SEMA3E: variants seen among roughly 807,000 people sequenced by gnomAD.
SEMA3E encodes semaphorin-3E.
SEMA3E carries 49 observed loss-of-function variants against 93.6 expected under a neutral mutation model. The ratio of observed to expected loss-of-function variants is 0.52; its 90% CI spans 0.42 to 0.66. The LOEUF is 0.66. SEMA3E is among the 30% of genes least tolerant of loss of function. SEMA3E has a pLI of 0.00. For synonymous variants in SEMA3E, 363 were observed against 330.7 expected (o/e 1.10, Z -1.06); for missense variants, 906 against 964.8 (o/e 0.94, Z 0.81).
chr7:83,645,803 G>T (rs1043659851), intron 1 of SEMA3E, among the ~76,000 whole-genome samples: 3 of 151,278 alleles, frequency 2.0e-5, no homozygotes, highest in African/African-American at 7.3e-5. Flanking sequence ...CTCTAGTTAA[G>T]AACATGTCAT....
intron 1 of SEMA3E, among the ~76,000 whole-genome samples, chr7:83,638,064 A>G (rs563495611): frequency 6.6e-6 from 1 of 152,314 alleles, no homozygotes; most frequent in African/African-American, 2.4e-5. Flanking sequence ...TCCCAAAGCT[A>G]TATCCATTGA....
intron 1 of SEMA3E, among the ~76,000 whole-genome samples, chr7:83,493,001 C>T (rs765453284): frequency 3.3e-5 from 5 of 151,888 alleles, no homozygotes; most frequent in Non-Finnish European, 5.9e-5. Flanking sequence ...ACAATAATTG[C>T]GTAGGTAAAC....
chr7:83,584,601 A>G (rs1792582647), intron 1 of SEMA3E, among the ~76,000 whole-genome samples: 1 of 152,176 alleles, frequency 6.6e-6, no homozygotes, highest in Non-Finnish European at 1.5e-5. Context: ...CAAACAGTTC[A>G]GGCATATAAC....
intron 1 of SEMA3E, among the ~76,000 whole-genome samples, chr7:83,576,179 A>G (rs1250247672): frequency 6.6e-6 from 1 of 152,232 alleles, no homozygotes; most frequent in Non-Finnish European, 1.5e-5. Flanking sequence ...TCTTGTTAAA[A>G]TAATTTGAAA....
chr7:83,399,839 A>C (rs1788202556), intron 11 of SEMA3E, among the ~76,000 whole-genome samples, 189 bp downstream of exon 11: 1 of 152,166 alleles, frequency 6.6e-6, no homozygotes, highest in African/African-American at 2.4e-5. Flanking sequence ...ATTCCCAGAC[A>C]ACTGGCCTAA....
chr7:83,431,158 TTTTC>T (rs1300768109), intron 4 of SEMA3E, among the ~76,000 whole-genome samples: 2 of 151,308 alleles, frequency 1.3e-5, no homozygotes, highest in Admixed American at 6.6e-5. Flanking sequence ...TAGGATATTT[TTTTC>T]TTCAATATAT....
chr7:83,495,328 A>T (rs1171044356), intron 1 of SEMA3E, among the ~76,000 whole-genome samples: 2 of 151,920 alleles, frequency 1.3e-5, no homozygotes, highest in Non-Finnish European at 2.9e-5. Flanking sequence ...GACTCACATG[A>T]CTGGATAATA....
intron 1 of SEMA3E, among the ~76,000 whole-genome samples, chr7:83,552,307 T>C (rs1791782741): frequency 6.6e-6 from 1 of 152,190 alleles, no homozygotes; most frequent in South Asian, 2.1e-4. Context: ...CTGTCTTTAC[T>C]TTTATCTCTT....
intron 1 of SEMA3E, among the ~76,000 whole-genome samples, chr7:83,636,612 A>G (rs1793887414): frequency 6.6e-6 from 1 of 152,152 alleles, no homozygotes; most frequent in East Asian, 1.9e-4. Context: ...CATATTTCTC[A>G]TACAAAAAAT....
chr7:83,460,014 G>A (rs963590133), intron 4 of SEMA3E, among the ~76,000 whole-genome samples: 7 of 151,922 alleles, frequency 4.6e-5, no homozygotes, highest in Admixed American at 1.3e-4. Flanking sequence ...ATCTCCCTTC[G>A]CTGACTCTCT....
Position 83,639,129 on chromosome 7 carries a change from A to C in SEMA3E, c.115+9299T>G, listed in dbSNP as rs1236842732. On this transcript the variant is annotated intron_variant, in intron 1 of 16. Coordinates refer to ENST00000643230, the MANE Select transcript of SEMA3E (RefSeq NM_012431.3). ...CCGTCTCAAAAAAAAAAAAAAAAAA[A>C]AAAAAAAAAAACAGAGATTCCTGAG... is the stretch of plus-strand genomic sequence containing the variant. Among the ~76,000 whole-genome samples the C allele has an allele frequency of 2.1e-3, 293 of 139,504 alleles. 10 individuals carry two copies. The highest frequency in any genetic ancestry group is 7.6e-3 in the African/African-American group (275 of 36,322). The allele number at this position is 139,504 out of a possible 152,430, so 91.5% of individuals were successfully genotyped here. A position where few individuals can be genotyped will look rare whatever the true frequency, so the allele number is the denominator to read the frequency against.
At chr7:83,458,038 CAT>C (rs562858423) in intron 4 of SEMA3E, among the ~76,000 whole-genome samples, 1 of 150,674 alleles carries the variant, frequency 6.6e-6, no homozygotes, top group Non-Finnish European at 1.5e-5. Context: ...TCTCTTGTGA[CAT>C]ATATATATAT....
intron 4 of SEMA3E, among the ~76,000 whole-genome samples, chr7:83,437,967 G>T (rs1196265368): frequency 6.6e-6 from 1 of 152,018 alleles, no homozygotes; most frequent in Admixed American, 6.5e-5. Context: ...ACAAGCATAA[G>T]AATATAAAAA....
chr7:83,409,325 C>T (rs1788391342), intron 5 of SEMA3E, among the ~76,000 whole-genome samples: 1 of 152,100 alleles, frequency 6.6e-6, no homozygotes, highest in African/African-American at 2.4e-5. Flanking sequence ...CCAAAACTCA[C>T]AAGAGGTAAT....
chr7:83,565,008 G>A (rs1792113033), intron 1 of SEMA3E, among the ~76,000 whole-genome samples: 2 of 152,064 alleles, frequency 1.3e-5, no homozygotes, highest in African/African-American at 2.4e-5. Flanking sequence ...AAATGATAAA[G>A]GGGATATCAC....
chr7:83,648,452 G>A lies in SEMA3E; in HGVS notation c.91C>T (p.Pro31Ser), dbSNP rs759525060. ...CCTTTATGTGACAGGCGTAACCGGG[G>A]GTGGGTAGTATCAGCTGTATGACCT... ...TGGHTADTTH[P>S]RLRLSHKELL... The change falls in exon 1 of 17, where the codon CCC (proline) becomes TCC (serine). Residue 31 changes from proline (P) to serine (S), a missense_variant. Physicochemically the swap from Pro to Ser is moderately conservative, Grantham distance 74. Coordinates refer to ENST00000643230, the MANE Select transcript of SEMA3E (RefSeq NM_012431.3). 1.2e-6 allele frequency: 2 copies of A among 1,611,966 alleles called. No individual in the cohort carries two copies. Among genetic ancestry groups the A allele is most frequent in the East Asian group, 2.2e-5 (1 of 44,798 alleles).
chr7:83,377,300 T>C (rs764545760), intron 16 of SEMA3E, among the ~76,000 whole-genome samples: 3 of 152,024 alleles, frequency 2.0e-5, no homozygotes, highest in Non-Finnish European at 4.4e-5. Context: ...TTCACAATAA[T>C]ATTCATTTTA....
At position 83,396,725 on chromosome 7, in the gene SEMA3E, A is replaced by G. The variant is rs1788130634; in HGVS notation, c.1371T>C (p.Asn457=). The G allele has an allele frequency of 6.3e-7, 1 of 1,588,604 alleles. No homozygotes were observed. The highest frequency in any genetic ancestry group is 1.3e-5 in the African/African-American group (1 of 74,434). ...TTGTGATTACTTTCAGCACAATTCC[A>G]TTATCTGTAAGAAAACAAAACAAGA... ...QYDVLFIGTD[N]GIVLKVITIY... is the part of the protein sequence containing the mutation. Residue 457 remains asparagine (N), a synonymous_variant, in exon 12 of 17, where the codon AAT becomes AAC. Transcript: ENST00000643230.
chr7:83,418,062 T>C lies in SEMA3E; in HGVS notation c.550+328A>G, dbSNP rs184920941. On this transcript the variant is annotated intron_variant, in intron 5 of 16. Coordinates refer to ENST00000643230, the MANE Select transcript of SEMA3E (RefSeq NM_012431.3). ...TGAAGAATTAACACATATATTAAAA[T>C]AGTTTCATTTCTCTGGCAAAATTTT... 4.5e-4 allele frequency among the ~76,000 whole-genome samples: 68 copies of C among 152,274 alleles called. 1 individual carries two copies. The highest frequency in any genetic ancestry group is 7.4e-5 in the Non-Finnish European group (5 of 68,010).
Sources: gnomAD v4.1 joint callset for allele counts (sites outside exome capture counted in the v4.1 genomes callset) on GRCh38, gnomAD v4.1.1 for gene constraint, MANE v1.5 for transcripts, NCBI Gene and HGNC (gene_info 2026-07-23, HGNC 2026-07-21) for gene names.